CSMD1: variants seen among roughly 807,000 people sequenced by gnomAD.
The protein encoded by CSMD1 is CUB and sushi domain-containing protein 1.
In CSMD1, 213 loss-of-function variants were observed where a neutral mutation model predicts 417.5. That is an observed-to-expected ratio of 0.51 (90% CI 0.46 to 0.57). The LOEUF is 0.57. Ranked by LOEUF, CSMD1 falls within the 20% of genes least tolerant of loss-of-function variation. CSMD1 has a pLI of 0.00. For missense variants in CSMD1, 6,923 were observed against 4,529.7 expected (o/e 1.53, Z -15.17); for synonymous variants, 2,862 against 1,736.8 (o/e 1.65, Z -16.11).
chr8:3,616,933 T>A, intron 7 of CSMD1, 136 bp from the exon 8 acceptor site: 1 of 524,254 alleles, frequency 1.9e-6, no homozygotes, highest in Non-Finnish European at 3.3e-6. Context: ...TTAAGACACC[T>A]TAAATACATT....
At chr8:3,124,530 G>A (rs532269515) in intron 41 of CSMD1, among the ~76,000 whole-genome samples, 1 of 152,178 alleles carries the variant, frequency 6.6e-6, no homozygotes, top group Non-Finnish European at 1.5e-5. Flanking sequence ...GAAATAGTAT[G>A]TGTTCTAAAC....
At chr8:3,331,962 T>C (rs1367068410) in intron 23 of CSMD1, among the ~76,000 whole-genome samples, 1 of 152,056 alleles carries the variant, frequency 6.6e-6, no homozygotes, top group Non-Finnish European at 1.5e-5. Flanking sequence ...TAAAAACAGA[T>C]CATAGATAAA....
intron 2 of CSMD1, among the ~76,000 whole-genome samples, chr8:4,578,826 A>AC (rs1258749931): frequency 8.0e-5 from 12 of 150,592 alleles, no homozygotes; most frequent in African/African-American, 2.9e-4. Context: ...AAAAAAAAAA[A>AC]AAACAAACCT....
At chr8:3,820,869 T>A (rs116067005) in intron 5 of CSMD1, among the ~76,000 whole-genome samples, 1 of 151,878 alleles carries the variant, frequency 6.6e-6, no homozygotes, top group African/African-American at 2.4e-5. Context: ...TAGGTCACAA[T>A]GCCTTCTTCG....
At position 4,397,428 on chromosome 8, in the gene CSMD1, T is replaced by C. The variant is rs150128537; in HGVS notation, c.415+22525A>G. ...TCAAAATAAGAAATCATTAGGAACATGGAAATGAAGAAAGCTTCGGGAGAT... is the reference window on the plus strand; with the variant it reads ...TCAAAATAAGAAATCATTAGGAACACGGAAATGAAGAAAGCTTCGGGAGAT... On this transcript the variant is annotated intron_variant, in intron 3 of 69. Transcript: ENST00000635120. Among the ~76,000 whole-genome samples, 98 of 150,994 alleles carry C rather than the reference T, an allele frequency of 6.5e-4. 1 individual carries two copies. Among genetic ancestry groups the C allele is most frequent in the African/African-American group, 2.2e-3 (89 of 41,088 alleles).
Position 3,141,776 on chromosome 8 carries a change from C to G in CSMD1, c.6241+689G>C, listed in dbSNP as rs1343303487. Among the ~76,000 whole-genome samples, 24 of 149,698 alleles carry G rather than the reference C, an allele frequency of 1.6e-4. No homozygotes were observed. The Admixed American group carries it at 1.6e-3, about 10-fold the overall frequency. On this transcript the variant is annotated intron_variant, in intron 41 of 69. Coordinates refer to ENST00000635120, the MANE Select transcript of CSMD1 (RefSeq NM_033225.6). Reference sequence around the variant, plus strand: ...CTGACCAATGAGCACTACCGGCTTCCCAAGCCCCTGCCCGCCAAATTATCT... The same window carrying G: ...CTGACCAATGAGCACTACCGGCTTCGCAAGCCCCTGCCCGCCAAATTATCT...
chr8:3,890,193 TAAG>T (rs1403135432), intron 5 of CSMD1, among the ~76,000 whole-genome samples: 4 of 152,180 alleles, frequency 2.6e-5, no homozygotes, highest in South Asian at 2.1e-4. Context: ...TCATATTCCC[TAAG>T]AAGAATACAA....
At chr8:4,953,870 A>G (rs575195084) in intron 1 of CSMD1, among the ~76,000 whole-genome samples, 4 of 152,240 alleles carry the variant, frequency 2.6e-5, no homozygotes, top group African/African-American at 7.2e-5. Context: ...TGCAGGACTC[A>G]ACCCTGGGCT....
At chr8:3,994,381 T>C (rs1305847066) in intron 5 of CSMD1, among the ~76,000 whole-genome samples, 1 of 145,674 alleles carries the variant, frequency 6.9e-6, no homozygotes, top group Non-Finnish European at 1.5e-5. Flanking sequence ...AGAAATGAAA[T>C]CAATTTTCTT....
chr8:3,087,783 G>A (rs1489841249), intron 48 of CSMD1, among the ~76,000 whole-genome samples: 1 of 152,230 alleles, frequency 6.6e-6, no homozygotes, highest in African/African-American at 2.4e-5. Flanking sequence ...CATTTTGAAT[G>A]ACCTCACTCA....
intron 1 of CSMD1, among the ~76,000 whole-genome samples, chr8:4,723,457 A>C (rs1027899553): frequency 1.3e-5 from 2 of 152,194 alleles, no homozygotes; most frequent in Non-Finnish European, 2.9e-5. Flanking sequence ...CCTGATACTT[A>C]TGATTCAAGT....
rs116143109 is a variant in CSMD1 at position 3,317,350 on chromosome 8, T to A, written c.3632-8847A>T. On this transcript the variant is annotated intron_variant, in intron 23 of 69. Coordinates refer to ENST00000635120, the MANE Select transcript of CSMD1 (RefSeq NM_033225.6). ...TCCTTATGGAGTTTCACAGGGAAAT[T>A]AGACATCCTAACAAATAGTAATCGC... Among the ~76,000 whole-genome samples, 492 of 152,338 alleles carry A rather than the reference T, an allele frequency of 3.2e-3. 3 individuals are homozygous for A. Among genetic ancestry groups the A allele is most frequent in the African/African-American group, 0.011 (472 of 41,566 alleles).
At chr8:4,119,412 A>G (rs1488280895) in intron 3 of CSMD1, among the ~76,000 whole-genome samples, 1 of 152,206 alleles carries the variant, frequency 6.6e-6, no homozygotes, top group East Asian at 1.9e-4. Context: ...TCAGTTAGAA[A>G]TCAAGTCACA....
chr8:4,751,375 A>G (rs1423480280), intron 1 of CSMD1, among the ~76,000 whole-genome samples: 4 of 150,214 alleles, frequency 2.7e-5, no homozygotes, highest in African/African-American at 7.4e-5. Context: ...TGGACGACAG[A>G]GCAAGACTCT....
intron 54 of CSMD1, among the ~76,000 whole-genome samples, chr8:2,980,971 AG>A (rs1805358739): frequency 2.0e-5 from 3 of 152,236 alleles, no homozygotes. Context: ...AAATGGAAGA[AG>A]CATGGATACA....
At chr8:4,823,680 T>G (rs954698640) in intron 1 of CSMD1, among the ~76,000 whole-genome samples, 35 of 152,156 alleles carry the variant, frequency 2.3e-4, no homozygotes, top group African/African-American at 8.2e-4. Context: ...TATAAACAAG[T>G]AATTCTCTAT....
chr8:4,912,921 G>A (rs1264377740), intron 1 of CSMD1, among the ~76,000 whole-genome samples: 3 of 152,096 alleles, frequency 2.0e-5, no homozygotes, highest in Non-Finnish European at 4.4e-5. Flanking sequence ...AAGTAGCTGG[G>A]ACTACAGGCA....
At chr8:4,053,019 A>G (rs556158130) in intron 3 of CSMD1, among the ~76,000 whole-genome samples, 4 of 152,148 alleles carry the variant, frequency 2.6e-5, no homozygotes, top group African/African-American at 9.7e-5. Context: ...TACTTTAGCA[A>G]AGGGTAACAA....
chr8:4,387,343 G>C (rs1054249028), intron 3 of CSMD1, among the ~76,000 whole-genome samples: 5 of 151,900 alleles, frequency 3.3e-5, no homozygotes, highest in African/African-American at 7.3e-5. Flanking sequence ...TGACAAATGA[G>C]CCTACACTCA....
Sources: allele counts gnomAD v4.1 joint callset (sites outside exome capture counted in the v4.1 genomes callset), GRCh38; gene constraint gnomAD v4.1.1; transcripts MANE v1.5; gene names NCBI Gene and HGNC (gene_info 2026-07-23, HGNC 2026-07-21).